IHO1: variants seen among roughly 807,000 people sequenced by gnomAD.
IHO1 encodes the protein interactor of HORMAD1 protein 1.
A neutral mutation model predicts 31.0 loss-of-function variants in IHO1; 13 were observed. That is an observed-to-expected ratio of 0.42 (90% CI 0.27 to 0.67). The LOEUF (loss-of-function observed/expected upper bound fraction) is 0.67. Among genes scored for constraint, IHO1 ranks in the 30% least tolerant of loss-of-function variants. The pLI is 0.24. For missense variants in IHO1, 599 were observed against 687.5 expected, an observed-to-expected ratio of 0.87 and a Z score of 1.44; for synonymous variants, 221 against 248.4, an observed-to-expected ratio of 0.89 and a Z score of 1.04.
intron 2 of IHO1, among the ~76,000 whole-genome samples, chr3:49,216,655 A>C (rs1390239142): frequency 1.3e-5 from 2 of 152,232 alleles, no homozygotes; most frequent in Non-Finnish European, 2.9e-5. Context: ...GGATCTAACT[A>C]AACTAAAGAG....
intron 2 of IHO1, among the ~76,000 whole-genome samples, chr3:49,230,716 C>T (rs2046470553): frequency 6.6e-6 from 1 of 152,200 alleles, no homozygotes; most frequent in South Asian, 2.1e-4. Context: ...ATACTCCTTA[C>T]TCCTACTTGG....
At position 49,255,507 on chromosome 3, in the gene IHO1, C is replaced by T; in HGVS notation, c.636+14C>T. 1 of 1,543,288 alleles carries T rather than the reference C, an allele frequency of 6.5e-7. No individual in the cohort carries two copies. Among genetic ancestry groups the T allele is most frequent in the Non-Finnish European group, 8.8e-7 (1 of 1,140,520 alleles). ...AGATTTGAAGCTGTAAGTGTAAACC[C>T]CAACCTCTTTCTAAGTGTGTTTTGG... On this transcript the variant is annotated intron_variant, in intron 7 of 7. Transcript: ENST00000452691.
chr3:49,202,886 C>CG (rs891822881), intron 1 of IHO1, among the ~76,000 whole-genome samples: 1 of 131,088 alleles, frequency 7.6e-6, no homozygotes, highest in African/African-American at 2.8e-5. Flanking sequence ...GACGGAGTCT[C>CG]GCTCTGTCGC....
chr3:49,207,452 G>T (rs538489926), intron 1 of IHO1, among the ~76,000 whole-genome samples: 81 of 151,918 alleles, frequency 5.3e-4, no homozygotes, highest in Non-Finnish European at 9.4e-4. Context: ...CACCATGTTG[G>T]CCTGGAGGGT....
At chr3:49,236,776 T>C in intron 3 of IHO1, 54 bp downstream of exon 3, 1 of 1,522,804 alleles carries the variant, frequency 6.6e-7, no homozygotes, top group Non-Finnish European at 9.0e-7. Context: ...ATTATGGAGA[T>C]AAACTATAAA....
At chr3:49,222,115 T>C (rs1370480460) in intron 2 of IHO1, among the ~76,000 whole-genome samples, 1 of 152,222 alleles carries the variant, frequency 6.6e-6, no homozygotes, top group Non-Finnish European at 1.5e-5. Flanking sequence ...GCAAACTGTC[T>C]GAGAAATCCT....
At chr3:49,214,914 AC>A (rs1200462517) in intron 2 of IHO1, among the ~76,000 whole-genome samples, 2 of 151,844 alleles carry the variant, frequency 1.3e-5, no homozygotes, top group Non-Finnish European at 2.9e-5. Flanking sequence ...TGCTGGGATT[AC>A]AGGCATGAGA....
At chr3:49,238,436 G>A (rs191251574) in intron 3 of IHO1, among the ~76,000 whole-genome samples, 23 of 152,246 alleles carry the variant, frequency 1.5e-4, no homozygotes, top group African/African-American at 2.9e-4. Flanking sequence ...CCGGCTCAGC[G>A]GATTCGCATC....
chr3:49,244,363 A>G (rs767761661), intron 4 of IHO1, 41 bp from the exon 5 acceptor site: 1 of 1,211,258 alleles, frequency 8.3e-7, no homozygotes, highest in Non-Finnish European at 1.2e-6. Context: ...TCACTTCAAT[A>G]TTTCATAAAG....
the IHO1 span, chr3:49,191,859 T>C: frequency 2.2e-6 from 3 of 1,343,788 alleles, no homozygotes; most frequent in South Asian, 3.7e-5. Context: ...AGGTCAATTT[T>C]TTGTTGCTTA....
chr3:49,225,172 A>G (rs1039216563), intron 2 of IHO1, among the ~76,000 whole-genome samples: 12 of 152,332 alleles, frequency 7.9e-5, no homozygotes, highest in African/African-American at 2.6e-4. Context: ...GTGATGTATA[A>G]AGAGAAGTTT....
chr3:49,199,623 AGG>A (rs1245276917), intron 1 of IHO1, 50 bp downstream of exon 1: 1 of 130,996 alleles, frequency 7.6e-6, no homozygotes, highest in Non-Finnish European at 1.7e-5. Context: ...AGGCGGGGGG[AGG>A]GGCTGAGGAG....
intron 6 of IHO1, among the ~76,000 whole-genome samples, chr3:49,254,116 G>C (rs1300497812): frequency 6.6e-6 from 1 of 152,176 alleles, no homozygotes; most frequent in Admixed American, 6.6e-5. Flanking sequence ...TTACAGGCGT[G>C]AGTCTCCACG....
chr3:49,244,980 A>G, intron 6 of IHO1: 1 of 595,922 alleles, frequency 1.7e-6, no homozygotes, highest in South Asian at 2.0e-5. Context: ...CCTGGTAACC[A>G]TGTTGCCTCA....
chr3:49,238,306 G>C (rs2046585262), intron 3 of IHO1, among the ~76,000 whole-genome samples: 1 of 151,082 alleles, frequency 6.6e-6, no homozygotes, highest in Non-Finnish European at 1.5e-5. Flanking sequence ...GTTTTGTTTT[G>C]TTTTTGAGAC....
chr3:49,217,705 A>G (rs2046306631), intron 2 of IHO1, among the ~76,000 whole-genome samples: 1 of 152,092 alleles, frequency 6.6e-6, no homozygotes. Flanking sequence ...GGGAGCCCTG[A>G]GTTTGCTTTC....
chr3:49,239,362 A>G (rs1575582537), intron 3 of IHO1, among the ~76,000 whole-genome samples: 1 of 150,872 alleles, frequency 6.6e-6, no homozygotes, highest in African/African-American at 2.4e-5. Context: ...GCTCACTACA[A>G]CCTCTGCCTC....
chr3:49,192,427 C>T, the IHO1 span, among the ~76,000 whole-genome samples: 1 of 152,322 alleles, frequency 6.6e-6, no homozygotes, highest in Non-Finnish European at 1.5e-5. Context: ...AAAAGAGGGA[C>T]TTGAACAGTT....
intron 6 of IHO1, among the ~76,000 whole-genome samples, chr3:49,251,403 AG>A (rs1372775293): frequency 1.3e-5 from 2 of 150,998 alleles, no homozygotes; most frequent in African/African-American, 4.9e-5. Flanking sequence ...CTCCTGCCTC[AG>A]CCTCCTGAGT....
Sources: allele counts gnomAD v4.1 joint callset (sites outside exome capture counted in the v4.1 genomes callset), GRCh38; gene constraint gnomAD v4.1.1; transcripts MANE v1.5; gene names NCBI Gene and HGNC (gene_info 2026-07-23, HGNC 2026-07-21).